AGBL1: variants seen among roughly 807,000 people sequenced by gnomAD.
AGBL1 encodes the protein cytosolic carboxypeptidase 4.
In AGBL1, 130 loss-of-function variants were observed where a neutral mutation model predicts 118.9. The observed-to-expected ratio is 1.09, with a 90% confidence interval of 0.95 to 1.26. AGBL1 has a LOEUF of 1.26. Among genes scored for constraint, AGBL1 ranks in the 50% most tolerant of loss-of-function variants. The pLI, the probability that AGBL1 is intolerant of heterozygous loss-of-function variation, is 0.00. For synonymous variants in AGBL1, 555 were observed against 478.9 expected (o/e 1.16, Z -2.08); for missense variants, 1,584 against 1,298.1 (o/e 1.22, Z -3.38).
At chr15:86,369,129 G>A (rs1000974227) in intron 17 of AGBL1, among the ~76,000 whole-genome samples, 1 of 152,100 alleles carries the variant, frequency 6.6e-6, no homozygotes, top group Non-Finnish European at 1.5e-5. Context: ...TCAGCAAGAA[G>A]AATAATAAAC....
intron 21 of AGBL1, among the ~76,000 whole-genome samples, chr15:86,649,961 C>T (rs2085343168): frequency 1.3e-5 from 2 of 152,200 alleles, no homozygotes; most frequent in African/African-American, 4.8e-5. Flanking sequence ...ATGAAAATGG[C>T]CCATGCCATA....
At chr15:86,378,143 C>G (rs1272746886) in intron 17 of AGBL1, among the ~76,000 whole-genome samples, 2 of 152,186 alleles carry the variant, frequency 1.3e-5, no homozygotes, top group Admixed American at 6.5e-5. Context: ...ATATAACACT[C>G]TGCATAATAC....
chr15:86,956,139 T>C (rs1456496878), intron 23 of AGBL1, among the ~76,000 whole-genome samples: 1 of 151,968 alleles, frequency 6.6e-6, no homozygotes, highest in Admixed American at 6.6e-5. Flanking sequence ...AAGGAAAAAG[T>C]TATAAATTCT....
At chr15:86,665,844 T>G (rs1314629729) in intron 21 of AGBL1, among the ~76,000 whole-genome samples, 1 of 152,114 alleles carries the variant, frequency 6.6e-6, no homozygotes, top group Admixed American at 6.6e-5. Context: ...TTTATTGTAG[T>G]CCTTTTCCTG....
intron 17 of AGBL1, among the ~76,000 whole-genome samples, chr15:86,334,298 A>G (rs1053109981): frequency 6.6e-6 from 1 of 152,186 alleles, no homozygotes; most frequent in East Asian, 1.9e-4. Flanking sequence ...GGCTCCTAGA[A>G]CTGATAAAGG....
intron 21 of AGBL1, among the ~76,000 whole-genome samples, chr15:86,594,279 T>C (rs2084377701): frequency 6.6e-6 from 1 of 152,212 alleles, no homozygotes; most frequent in Non-Finnish European, 1.5e-5. Context: ...TATTATCTTT[T>C]CATATGTTGC....
chr15:86,700,241 T>C (rs542703548), intron 22 of AGBL1, among the ~76,000 whole-genome samples: 1 of 152,028 alleles, frequency 6.6e-6, no homozygotes, highest in Non-Finnish European at 1.5e-5. Flanking sequence ...TAAATGTTGA[T>C]AGTGGGAATT....
At chr15:86,182,775 A>G (rs1344579499) in intron 5 of AGBL1, among the ~76,000 whole-genome samples, 1 of 152,122 alleles carries the variant, frequency 6.6e-6, no homozygotes, top group Non-Finnish European at 1.5e-5. Flanking sequence ...CTCTCCTCAA[A>G]TATTTTATAG....
intron 21 of AGBL1, among the ~76,000 whole-genome samples, chr15:86,609,972 C>A (rs1194886849): frequency 6.6e-6 from 1 of 152,122 alleles, no homozygotes; most frequent in East Asian, 1.9e-4. Flanking sequence ...GTGAACACAC[C>A]ACTTGTGCAA....
chr15:86,442,942 C>A (rs1029696403), intron 18 of AGBL1, among the ~76,000 whole-genome samples: 1 of 152,176 alleles, frequency 6.6e-6, no homozygotes, highest in African/African-American at 2.4e-5. Flanking sequence ...TGCTCCTGCC[C>A]GCAAGGCAAG....
rs1406157217 is a variant in AGBL1 at position 86,747,119 on chromosome 15, G to T, written c.3158+72683G>T. On this transcript the variant is annotated intron_variant, in intron 22 of 22. Coordinates refer to ENST00000614907, the MANE Select transcript of AGBL1 (RefSeq NM_001386094.1). ...CCAGGACTCTAGAGGGATCACTTTT[G>T]CCCTTCCGCCTTTAAAAGAGCATGG... Among the ~76,000 whole-genome samples the T allele has an allele frequency of 2.6e-5, 4 of 151,946 alleles. No individual in the cohort carries two copies. The East Asian group carries it at 5.8e-4, about 22-fold the overall frequency.
intron 17 of AGBL1, among the ~76,000 whole-genome samples, chr15:86,362,209 T>G (rs1456194955): frequency 2.0e-5 from 3 of 152,126 alleles, no homozygotes; most frequent in African/African-American, 7.2e-5. Flanking sequence ...CTCACACATT[T>G]TATGTTATTG....
At chr15:86,396,564 C>T (rs999541026) in intron 17 of AGBL1, among the ~76,000 whole-genome samples, 55 of 152,164 alleles carry the variant, frequency 3.6e-4, no homozygotes, top group African/African-American at 1.3e-3. Context: ...GGACTGGGTT[C>T]AGGGTCTTAC....
chr15:86,776,981 G>T (rs753517711), intron 22 of AGBL1, among the ~76,000 whole-genome samples: 3 of 151,412 alleles, frequency 2.0e-5, no homozygotes, highest in African/African-American at 2.4e-5. Context: ...ACACAATAAG[G>T]TTTTTTTTCT....
intron 23 of AGBL1, among the ~76,000 whole-genome samples, chr15:86,983,564 T>C (rs113150911): frequency 5.5e-4 from 84 of 152,332 alleles, no homozygotes; most frequent in Non-Finnish European, 1.1e-3. Context: ...CAGATGTAAT[T>C]ATATGCAATA....
chr15:86,258,054 C>G (rs764789862), intron 9 of AGBL1, 23 bp downstream of exon 9: 1 of 1,607,170 alleles, frequency 6.2e-7, no homozygotes, highest in African/African-American at 1.3e-5. Context: ...GCCCATGCTT[C>G]TAATGATGTC....
chr15:86,693,345 A>G (rs1480960058), intron 22 of AGBL1, among the ~76,000 whole-genome samples: 1 of 152,060 alleles, frequency 6.6e-6, no homozygotes, highest in Non-Finnish European at 1.5e-5. Flanking sequence ...CATTTCCCTG[A>G]TCATTAGTGA....
Position 86,548,663 on chromosome 15 carries a change from GCACACACACACA to G in AGBL1, c.2817+2553_2817+2564del, listed in dbSNP as rs61362688. On this transcript the variant is annotated intron_variant, in intron 20 of 22. Coordinates refer to ENST00000614907, the MANE Select transcript of AGBL1 (RefSeq NM_001386094.1). ...GATAGCCACACACACACACATGCAC[GCACACACACACA>G]CACACACACACACACACACACAGCC... 4.1e-3 allele frequency among the ~76,000 whole-genome samples: 584 copies of G among 142,796 alleles called. 4 individuals are homozygous for G. Among genetic ancestry groups the G allele is most frequent in the African/African-American group, 0.015 (561 of 38,612 alleles). 93.7% of individuals were successfully genotyped at this position (142,796 alleles called of 152,430 possible).
chr15:86,931,185 T>A (rs2080598898), intron 23 of AGBL1, among the ~76,000 whole-genome samples: 1 of 152,256 alleles, frequency 6.6e-6, no homozygotes, highest in Non-Finnish European at 1.5e-5. Context: ...AGAAAATCTT[T>A]GAATCTACTT....
Sources: gnomAD v4.1 joint callset for allele counts (sites outside exome capture counted in the v4.1 genomes callset) on GRCh38, gnomAD v4.1.1 for gene constraint, MANE v1.5 for transcripts, NCBI Gene and HGNC (gene_info 2026-07-23, HGNC 2026-07-21) for gene names.